The following ZNF429 variants were observed in gnomAD, a reference collection of about 807,000 sequenced individuals.
ZNF429 encodes zinc finger protein 429.
ZNF429 carries 53 observed loss-of-function variants against 56.8 expected under a neutral mutation model. That is an observed-to-expected ratio of 0.93 (90% CI 0.75 to 1.17). The LOEUF (loss-of-function observed/expected upper bound fraction) is 1.17. Among genes scored for constraint, ZNF429 ranks in the 50% most tolerant of loss-of-function variants. The probability of loss-of-function intolerance (pLI) is 0.00; values close to 1 mark genes in which losing one functional copy is unlikely to be tolerated. For missense variants in ZNF429, 849 were observed against 788.4 expected (o/e 1.08, Z -0.92); for synonymous variants, 278 against 264.7 (o/e 1.05, Z -0.49).
chr19:21,526,177 CTT>C (rs1221275658), intron 1 of ZNF429, among the ~76,000 whole-genome samples: 1 of 151,766 alleles, frequency 6.6e-6, no homozygotes, highest in East Asian at 1.9e-4. Context: ...GGTTTCTTCA[CTT>C]TGACTTTTTT....
chr19:21,510,100 G>C lies in ZNF429; in HGVS notation c.3+4326G>C, dbSNP rs1292684025. On this transcript the variant is annotated intron_variant, in intron 1 of 3. Coordinates refer to ENST00000358491, the MANE Select transcript of ZNF429 (RefSeq NM_001001415.4). ...ACATTTGTATTTTTAGTAGAGGCGG[G>C]GTTTCACCATGTTGGCCAGGCTGGT... is the stretch of plus-strand genomic sequence containing the variant. Among the ~76,000 whole-genome samples, 4 of 152,024 alleles carry C rather than the reference G, an allele frequency of 2.6e-5. No homozygotes were observed. The East Asian group carries it at 7.7e-4, about 29-fold the overall frequency.
chr19:21,538,375 G>A lies in ZNF429; in HGVS notation c.*297G>A, dbSNP rs1430893642. ...CCAGCACTTTGGGAGGCCGAGGCGG[G>A]TGGATCACGAGGTCAGGAGTTCAAG... On this transcript the variant is annotated 3_prime_UTR_variant, in exon 4 of 4. Coordinates refer to ENST00000358491, the MANE Select transcript of ZNF429 (RefSeq NM_001001415.4). Among the ~76,000 whole-genome samples the A allele has an allele frequency of 6.6e-6, 1 of 151,838 alleles. No homozygotes were observed. The highest frequency in any genetic ancestry group is 6.6e-5 in the Admixed American group (1 of 15,206).
At position 21,537,502 on chromosome 19, in the gene ZNF429, T is replaced by C; in HGVS notation, c.1449T>C (p.Cys483=). ...ATACTGGAGAGAAACCCTACAAATGTGAAGAATGTGGCAAAGCCTTTAAGC... is the reference window on the plus strand; with the variant it reads ...ATACTGGAGAGAAACCCTACAAATGCGAAGAATGTGGCAAAGCCTTTAAGC... ...RIHTGEKPYK[C]EECGKAFKQS... is the part of the protein sequence containing the mutation. Residue 483 remains cysteine (C), a synonymous_variant, in exon 4 of 4, where the codon TGT becomes TGC. Transcript: ENST00000358491. The C allele has an allele frequency of 6.2e-7, 1 of 1,613,846 alleles. No homozygotes were observed. The highest frequency in any genetic ancestry group is 8.5e-7 in the Non-Finnish European group (1 of 1,179,998).
rs1239780614 is a variant in ZNF429 at position 21,538,760 on chromosome 19, A to G, written c.*682A>G. On this transcript the variant is annotated 3_prime_UTR_variant, in exon 4 of 4. Transcript: ENST00000358491. ...GTATACAAATTTAAAAAATGTGGAA[A>G]AGCCATTAAAATCTGTTCACATCTT... 1 of 152,216 alleles carries G rather than the reference A, an allele frequency of 6.6e-6. No homozygotes were observed. The highest frequency in any genetic ancestry group is 1.5e-5 in the Non-Finnish European group (1 of 68,032). 9.4% of individuals were successfully genotyped at this position (152,216 alleles called of 1,614,324 possible). A position where few individuals can be genotyped will look rare whatever the true frequency, so the allele number is the denominator to read the frequency against.
chr19:21,534,614 T>A, intron 3 of ZNF429, among the ~76,000 whole-genome samples: 1 of 152,130 alleles, frequency 6.6e-6, no homozygotes, highest in East Asian at 1.9e-4. Flanking sequence ...CAAGTGATCC[T>A]TCCACCTTGG....
chr19:21,537,829 C>G lies in ZNF429; in HGVS notation c.1776C>G (p.Pro592=). The G allele has an allele frequency of 6.2e-7, 1 of 1,612,844 alleles. No individual in the cohort carries two copies. Among genetic ancestry groups the G allele is most frequent in the South Asian group, 1.1e-5 (1 of 91,046 alleles). ...AGAAAATTCATAGTGGAGAGAAACCCTACAAATGTGAAGAATGTGGCAAAG... is the reference window on the plus strand; with the variant it reads ...AGAAAATTCATAGTGGAGAGAAACCGTACAAATGTGAAGAATGTGGCAAAG... ...SHKKIHSGEK[P]YKCEECGKAF... Residue 592 remains proline, a synonymous_variant, in exon 4 of 4, where the codon CCC becomes CCG. Transcript: ENST00000358491.
chr19:21,519,116 A>G (rs1170577025), intron 1 of ZNF429: 1 of 152,212 alleles, frequency 6.6e-6, no homozygotes, highest in African/African-American at 2.4e-5. Flanking sequence ...AAGGTGGGAA[A>G]TTAAAGAAAA....
chr19:21,506,625 C>T (rs1214189434), intron 1 of ZNF429, among the ~76,000 whole-genome samples: 1 of 151,702 alleles, frequency 6.6e-6, no homozygotes, highest in East Asian at 1.9e-4. Flanking sequence ...GGTAGGGTTA[C>T]GTAGTTTCTT....
chr19:21,530,629 GA>G lies in ZNF429; in HGVS notation c.174del (p.Glu59LysfsTer7), dbSNP rs1229774119. 2 of 1,611,902 alleles carry G rather than the reference GA, an allele frequency of 1.2e-6. No homozygotes were observed. Among genetic ancestry groups the G allele is most frequent in the South Asian group, 2.2e-5 (2 of 90,682 alleles). The stretch of plus-strand genomic sequence containing the variant: ...AGCCAGACCTAATCACTTGTCTAGA[GA>G]AAGAAAAAGAACCCTGCAAGATGAA... Reference protein sequence around the residue: ...SKPDLITCLEKEKEPCKMKRH... With the variant: ...SKPDLITCLEXEKEPCKMKRH... On this transcript the variant is annotated frameshift_variant, in exon 3 of 4. Coordinates refer to ENST00000358491, the MANE Select transcript of ZNF429 (RefSeq NM_001001415.4). LOFTEE classifies it high-confidence loss of function.
chr19:21,513,497 C>T (rs2032598344), intron 1 of ZNF429, among the ~76,000 whole-genome samples: 1 of 152,086 alleles, frequency 6.6e-6, no homozygotes, highest in South Asian at 2.1e-4. Flanking sequence ...CTGGCATCTC[C>T]AGTAAGGACA....
chr19:21,535,795 G>C, intron 3 of ZNF429, among the ~76,000 whole-genome samples: 1 of 152,102 alleles, frequency 6.6e-6, no homozygotes, highest in Non-Finnish European at 1.5e-5. Flanking sequence ...TTACAGGCAT[G>C]AGCCACCGCG....
chr19:21,521,312 C>T (rs1169959205), intron 1 of ZNF429: 1 of 152,154 alleles, frequency 6.6e-6, no homozygotes, highest in East Asian at 1.9e-4. Context: ...ATACATTCCA[C>T]TATATAAACA....
At position 21,537,241 on chromosome 19, in the gene ZNF429, C is replaced by T. The variant is rs759709578; in HGVS notation, c.1188C>T (p.Pro396=). 4 of 1,613,574 alleles carry T rather than the reference C, an allele frequency of 2.5e-6. No individual in the cohort carries two copies. The East Asian group carries it at 8.9e-5, about 36-fold the overall frequency. ...AAAAAATTCATACTGGAGAGGAACC[C>T]TACAAATTTGAAAAATGTGGCAGAG... The part of the protein sequence containing the change: ...RHKKIHTGEE[P]YKFEKCGRVF... Residue 396 remains proline, a synonymous_variant, in exon 4 of 4, where the codon CCC becomes CCT. Transcript: ENST00000358491.
intron 1 of ZNF429, among the ~76,000 whole-genome samples, chr19:21,525,555 G>T (rs112904233): frequency 2.6e-5 from 4 of 152,188 alleles, no homozygotes; most frequent in African/African-American, 9.6e-5. Flanking sequence ...TCAGAGTTTT[G>T]GGTGGTATAT....
rs777982396 is a variant in ZNF429 at position 21,517,796 on chromosome 19, C to CTTT, written c.4-11849_4-11847dup. Among the ~76,000 whole-genome samples, 6 of 106,398 alleles carry CTTT rather than the reference C, an allele frequency of 5.6e-5. 1 individual carries two copies. The highest frequency in any genetic ancestry group is 2.0e-4 in the African/African-American group (6 of 30,612). The allele number at this position is 106,398 out of a possible 152,430, so 69.8% of individuals were successfully genotyped here. ...GTAGTAATGACCCTTTTGTCATTTCCTTTTTTTTTTTTTTTGATATGGAGT... is the reference window on the plus strand; with the variant it reads ...GTAGTAATGACCCTTTTGTCATTTCCTTTTTTTTTTTTTTTTTTGATATGGAGT... On this transcript the variant is annotated intron_variant, in intron 1 of 3. Coordinates refer to ENST00000358491, the MANE Select transcript of ZNF429 (RefSeq NM_001001415.4).
At chr19:21,535,412 T>TTTTCTTTCTTTCTTTC in intron 3 of ZNF429, among the ~76,000 whole-genome samples, 3 of 55,386 alleles carry the variant, frequency 5.4e-5, no homozygotes, top group East Asian at 4.6e-4. Context: ...TTTCTTTTTC[T>TTTTCTTTCTTTCTTTC]TTTCTTTCTT....
chr19:21,533,117 T>C, intron 3 of ZNF429, among the ~76,000 whole-genome samples: 7 of 150,696 alleles, frequency 4.6e-5, no homozygotes, highest in African/African-American at 1.7e-4. Flanking sequence ...ACAGCTTTGG[T>C]GTTTTTAAAA....
chr19:21,531,885 A>G, intron 3 of ZNF429, among the ~76,000 whole-genome samples: 1 of 150,380 alleles, frequency 6.6e-6, no homozygotes, highest in African/African-American at 2.5e-5. Flanking sequence ...ATCTGACATT[A>G]AAAAACCATA....
intron 1 of ZNF429, among the ~76,000 whole-genome samples, chr19:21,520,241 C>G (rs2032942307): frequency 6.6e-6 from 1 of 152,086 alleles, no homozygotes; most frequent in Non-Finnish European, 1.5e-5. Flanking sequence ...CACAGGGTGC[C>G]CAAGGCTACA....
Sources: gnomAD v4.1 joint callset for allele counts (sites outside exome capture counted in the v4.1 genomes callset) on GRCh38, gnomAD v4.1.1 for gene constraint, MANE v1.5 for transcripts, NCBI Gene and HGNC (gene_info 2026-07-23, HGNC 2026-07-21) for gene names.